FUT8: variants seen among roughly 807,000 people sequenced by gnomAD.
FUT8 encodes alpha-(1,6)-fucosyltransferase.
Under a neutral mutation model 71.3 loss-of-function variants are expected in FUT8, and 29 were observed. The ratio of observed to expected loss-of-function variants is 0.41; its 90% CI spans 0.30 to 0.55. FUT8 has a LOEUF of 0.55. Ranked by LOEUF, FUT8 falls within the 20% of genes least tolerant of loss-of-function variation. The probability of loss-of-function intolerance (pLI) is 0.34; values close to 1 mark genes in which losing one functional copy is unlikely to be tolerated. For synonymous variants in FUT8, 254 were observed against 239.3 expected (o/e 1.06, Z -0.57); for missense variants, 544 against 702.1 (o/e 0.77, Z 2.55).
At chr14:65,568,041 G>A (rs915326595) in intron 3 of FUT8, among the ~76,000 whole-genome samples, 1 of 151,666 alleles carries the variant, frequency 6.6e-6, no homozygotes, top group African/African-American at 2.4e-5. Flanking sequence ...GGGAAGGGTG[G>A]TGGCGAGGAA....
intron 2 of FUT8, among the ~76,000 whole-genome samples, chr14:65,486,293 A>C (rs1358872736): frequency 6.6e-6 from 1 of 152,240 alleles, no homozygotes; most frequent in African/African-American, 2.4e-5. Flanking sequence ...AAAATAAACT[A>C]CAGTACATAC....
At chr14:65,406,538 T>C (rs2065089685), upstream of FUT8, among the ~76,000 whole-genome samples, 1 of 152,170 alleles carries the variant, frequency 6.6e-6, no homozygotes, top group Non-Finnish European at 1.5e-5. Flanking sequence ...CTCTCTCTCT[T>C]TCTCTCTTTC....
chr14:65,717,099 T>G lies in FUT8; in HGVS notation c.836-4676T>G, dbSNP rs554356152. Among the ~76,000 whole-genome samples the G allele has an allele frequency of 8.7e-5, 9 of 103,910 alleles. No individual in the cohort carries two copies. The South Asian group carries it at 2.2e-3, about 25-fold the overall frequency. 68.2% of individuals were successfully genotyped at this position (103,910 alleles called of 152,430 possible). A position where few individuals can be genotyped will look rare whatever the true frequency, so the allele number is the denominator to read the frequency against. On this transcript the variant is annotated intron_variant, in intron 7 of 10. Transcript: ENST00000673929. ...GCGGCCGGGCAGAGGCGTTCCCCAC[T>G]TCCCAGACGACGGGCAGCCGGGCAG...
chr14:65,577,444 A>G (rs1175611991), intron 3 of FUT8, among the ~76,000 whole-genome samples: 1 of 152,130 alleles, frequency 6.6e-6, no homozygotes, highest in African/African-American at 2.4e-5. Context: ...CAGTTTCTTC[A>G]CTTTAAAAAT....
intron 2 of FUT8, among the ~76,000 whole-genome samples, chr14:65,527,926 GT>G (rs1883611987): frequency 6.6e-6 from 1 of 152,188 alleles, no homozygotes; most frequent in Non-Finnish European, 1.5e-5. Flanking sequence ...TCTCAGAGGG[GT>G]ACACGGCCAT....
At chr14:65,447,566 A>G (rs2065762015) in intron 1 of FUT8, among the ~76,000 whole-genome samples, 2 of 152,078 alleles carry the variant, frequency 1.3e-5, no homozygotes, top group African/African-American at 4.8e-5. Context: ...ACCAGACAAG[A>G]TACCATTTTT....
At chr14:65,494,492 G>T (rs547437069) in intron 2 of FUT8, among the ~76,000 whole-genome samples, 2 of 152,288 alleles carry the variant, frequency 1.3e-5, no homozygotes, top group Admixed American at 6.5e-5. Context: ...TTCTCCCTCT[G>T]TATGTAACAA....
chr14:65,738,850 T>C (rs981642371), intron 10 of FUT8, among the ~76,000 whole-genome samples: 1 of 152,114 alleles, frequency 6.6e-6, no homozygotes, highest in African/African-American at 2.4e-5. Context: ...GGGTTAAATA[T>C]CACCCATGGA....
chr14:65,505,749 A>G (rs1337369506), intron 2 of FUT8, among the ~76,000 whole-genome samples: 1 of 151,902 alleles, frequency 6.6e-6, no homozygotes, highest in Non-Finnish European at 1.5e-5. Flanking sequence ...CTTCATTCTC[A>G]TTTGACTTTT....
chr14:65,450,832 G>T (rs554418474), intron 1 of FUT8, among the ~76,000 whole-genome samples: 2 of 151,620 alleles, frequency 1.3e-5, no homozygotes, highest in Admixed American at 1.3e-4. Flanking sequence ...CGCAACAGGG[G>T]TGCCTTGTTT....
Position 65,467,500 on chromosome 14 carries a change from A to G in FUT8, c.-228+11782A>G, listed in dbSNP as rs1023325845. On this transcript the variant is annotated intron_variant, in intron 2 of 10. Transcript: ENST00000673929. This position sits in a 1 kb window ranked among gnomAD's most constrained non-coding sequence, Gnocchi z 4.1. ...TTCTTTTCTTTTTTATTTTTGAGAC[A>G]GAGTCTCACACTGTCGCCCGGGCTG... Among the ~76,000 whole-genome samples the G allele has an allele frequency of 6.8e-6, 1 of 146,898 alleles. No homozygotes were observed. Among genetic ancestry groups the G allele is most frequent in the East Asian group, 2.0e-4 (1 of 5,006 alleles).
intron 5 of FUT8, among the ~76,000 whole-genome samples, chr14:65,620,256 C>T (rs1424804496): frequency 6.6e-6 from 1 of 151,920 alleles, no homozygotes; most frequent in African/African-American, 2.4e-5. Context: ...CATTTTTCAA[C>T]TGTGTTGACT....
intron 3 of FUT8, among the ~76,000 whole-genome samples, chr14:65,611,197 ACGCGCGCGCG>A (rs112404723): frequency 0.045 from 2,785 of 61,282 alleles, 405 homozygotes; most frequent in South Asian, 0.078. Context: ...ACACACACAC[ACGCGCGCGCG>A]CGCGCGCGCG....
At chr14:65,670,950 GT>G (rs559712718) in intron 7 of FUT8, among the ~76,000 whole-genome samples, 116 of 152,230 alleles carry the variant, frequency 7.6e-4, no homozygotes, top group African/African-American at 2.6e-3. Context: ...CTAGAACCTA[GT>G]TAAGCTTTAG....
At chr14:65,619,895 G>T (rs1306924451) in intron 5 of FUT8, among the ~76,000 whole-genome samples, 1 of 152,158 alleles carries the variant, frequency 6.6e-6, no homozygotes, top group Non-Finnish European at 1.5e-5. Flanking sequence ...TTTAGAGTTA[G>T]TATTTTTGCC....
At chr14:65,598,486 G>A (rs1888118997) in intron 3 of FUT8, among the ~76,000 whole-genome samples, 1 of 152,150 alleles carries the variant, frequency 6.6e-6, no homozygotes, top group East Asian at 1.9e-4. Flanking sequence ...CTCCCAAAGT[G>A]CTAGGATTGC....
intron 3 of FUT8, among the ~76,000 whole-genome samples, chr14:65,611,249 A>C (rs1288412780): frequency 4.2e-5 from 2 of 47,936 alleles, no homozygotes; most frequent in African/African-American, 2.1e-4. Context: ...ACACACACAC[A>C]CACACACACA....
At chr14:65,558,817 C>T (rs536459107) in intron 2 of FUT8, among the ~76,000 whole-genome samples, 3 of 152,168 alleles carry the variant, frequency 2.0e-5, no homozygotes, top group Admixed American at 6.5e-5. Context: ...TTAAAAAATA[C>T]TGGCAAAGAC....
At chr14:65,688,404 A>G (rs966812697) in intron 7 of FUT8, among the ~76,000 whole-genome samples, 1 of 150,452 alleles carries the variant, frequency 6.6e-6, no homozygotes, top group African/African-American at 2.5e-5. Flanking sequence ...TCTTTTTTGT[A>G]ACTTTACAGC....
Sources: allele counts gnomAD v4.1 joint callset (sites outside exome capture counted in the v4.1 genomes callset), GRCh38; gene constraint gnomAD v4.1.1; non-coding constraint Gnocchi (gnomAD v3.1); transcripts MANE v1.5; gene names NCBI Gene and HGNC (gene_info 2026-07-23, HGNC 2026-07-21).